CEP112: variants seen among roughly 807,000 people sequenced by gnomAD.
CEP112 encodes centrosomal protein of 112 kDa.
CEP112 carries 127 observed loss-of-function variants against 153.0 expected under a neutral mutation model. The ratio of observed to expected loss-of-function variants is 0.83; its 90% confidence interval spans 0.72 to 0.96. The LOEUF (loss-of-function observed/expected upper bound fraction) is 0.96, where lower values mean the gene tolerates loss of function less well. CEP112 is among the 40% of genes least tolerant of loss of function. The pLI, the probability that CEP112 is intolerant of heterozygous loss-of-function variation, is 0.00. For missense variants in CEP112, 1,089 were observed against 1,101.2 expected (o/e 0.99, Z 0.16); for synonymous variants, 358 against 374.4 (o/e 0.96, Z 0.51).
Position 65,826,489 on chromosome 17 carries a change from T to TGA in CEP112, c.2394+25313_2394+25314dup, listed in dbSNP as rs1003080415. The stretch of plus-strand genomic sequence containing the variant: ...CACAATCTCTTAGGTGGGGGTGAGG[T>TGA]GAGATAGTGACATCACAACCACACT... On this transcript the variant is annotated intron_variant, in intron 21 of 26. Transcript: ENST00000535342. The TGA allele has an allele frequency of 1.9e-5, 27 of 1,439,090 alleles. 1 individual carries two copies. In the South Asian group the frequency reaches 3.0e-4, roughly 16 times the overall value. The allele number at this position is 1,439,090 out of a possible 1,614,324, so 89.1% of individuals were successfully genotyped here.
intron 16 of CEP112, among the ~76,000 whole-genome samples, chr17:66,017,500 T>A (rs1460409450): frequency 6.6e-6 from 1 of 152,218 alleles, no homozygotes; most frequent in Admixed American, 6.5e-5. Context: ...CATACTCCAA[T>A]AGTCAATAAG....
chr17:65,767,986 T>C (rs888374426), intron 21 of CEP112, among the ~76,000 whole-genome samples: 3 of 151,914 alleles, frequency 2.0e-5, no homozygotes, highest in Non-Finnish European at 2.9e-5. Flanking sequence ...ACTTCCAAAA[T>C]AAAAAAGAGC....
At position 65,841,495 on chromosome 17, in the gene CEP112, A is replaced by G. The variant is rs1021303662; in HGVS notation, c.2394+10309T>C. ...AGAATGACAGTTACCAGAGGCTGGG[A>G]AGGGTAAAGAGGAGAAGACATAAAG... On this transcript the variant is annotated intron_variant, in intron 21 of 26. Transcript: ENST00000535342. Among the ~76,000 whole-genome samples, 19 of 152,042 alleles carry G rather than the reference A, an allele frequency of 1.2e-4. 2 individuals are homozygous for G. Among genetic ancestry groups the G allele is most frequent in the Admixed American group, 1.2e-3 (18 of 15,268 alleles).
chr17:65,723,776 T>C (rs1205228648), intron 23 of CEP112, among the ~76,000 whole-genome samples: 1 of 152,216 alleles, frequency 6.6e-6, no homozygotes, highest in East Asian at 1.9e-4. Flanking sequence ...CTTTCATCAT[T>C]ATTTACACAT....
At chr17:66,177,060 T>A in intron 2 of CEP112, 40 bp from the exon 3 acceptor site, 2 of 1,504,854 alleles carry the variant, frequency 1.3e-6, no homozygotes, top group Non-Finnish European at 1.8e-6. Flanking sequence ...TTATTTTTTA[T>A]AAAATGAAAC....
chr17:66,029,142 T>C lies in CEP112; in HGVS notation c.1484A>G (p.His495Arg), dbSNP rs750884532. 10 of 1,602,566 alleles carry C rather than the reference T, an allele frequency of 6.2e-6. No individual in the cohort carries two copies. Among genetic ancestry groups the C allele is most frequent in the Non-Finnish European group, 8.5e-6 (10 of 1,171,510 alleles). Residue 495 changes from histidine to arginine, a missense_variant, in exon 14 of 27, where the codon CAT becomes CGT. Physicochemically the swap from His to Arg is conservative, Grantham distance 29 (BLOSUM62 0). Coordinates refer to ENST00000535342, the MANE Select transcript of CEP112 (RefSeq NM_001199165.4). ...DADINLLKQEHALSASKASSM... is the reference protein window; with the variant it reads ...DADINLLKQERALSASKASSM... ...TAATACCTTAGAAGCTGAAAGAGCA[T>C]GTTCTTGTTTTAGAAGGTTTATATC...
intron 17 of CEP112, among the ~76,000 whole-genome samples, chr17:65,968,205 G>A (rs1346925776): frequency 6.6e-6 from 1 of 152,072 alleles, no homozygotes; most frequent in Non-Finnish European, 1.5e-5. Flanking sequence ...ACAGTATGAA[G>A]TCACTCAAGC....
At chr17:65,896,697 C>T (rs981448829) in intron 20 of CEP112, among the ~76,000 whole-genome samples, 2 of 151,866 alleles carry the variant, frequency 1.3e-5, no homozygotes, top group African/African-American at 4.8e-5. Flanking sequence ...TCTGTATGAC[C>T]TATGCTTTTG....
At chr17:65,948,379 A>T (rs1249127629) in intron 18 of CEP112, among the ~76,000 whole-genome samples, 5 of 150,936 alleles carry the variant, frequency 3.3e-5, no homozygotes, top group South Asian at 4.3e-4. Flanking sequence ...ATAAATTAGG[A>T]AAGTCAAGTG....
chr17:65,973,776 G>A (rs1244081740), intron 17 of CEP112, among the ~76,000 whole-genome samples: 1 of 152,186 alleles, frequency 6.6e-6, no homozygotes, highest in East Asian at 1.9e-4. Flanking sequence ...GAGAACAAGA[G>A]AACGTTTGGG....
At chr17:66,117,770 C>T (rs888982446) in intron 6 of CEP112, among the ~76,000 whole-genome samples, 8 of 152,144 alleles carry the variant, frequency 5.3e-5, no homozygotes, top group African/African-American at 1.7e-4. Flanking sequence ...AAGTATCTGA[C>T]ATGAGATTAA....
In CEP112 at chr17:65,844,633, C is replaced by T. The variant is rs1026300008; in HGVS notation, c.2394+7171G>A. 6.0e-3 allele frequency among the ~76,000 whole-genome samples: 47 copies of T among 7,888 alleles called. 3 individuals carry two copies. Among genetic ancestry groups the T allele is most frequent in the Non-Finnish European group, 3.6e-3 (6 of 1,676 alleles). 5.2% of individuals were successfully genotyped at this position (7,888 alleles called of 152,430 possible). A position where few individuals can be genotyped will look rare whatever the true frequency, so the allele number is the denominator to read the frequency against. On this transcript the variant is annotated intron_variant, in intron 21 of 26. Transcript: ENST00000535342. ...CCGCAAGCCAGAGGTTGCAGTGAGC[C>T]GAGATCAGGCTCCATCCTGGGCTAC...
At chr17:65,931,718 C>T (rs74007964) in intron 18 of CEP112, among the ~76,000 whole-genome samples, 7,907 of 152,306 alleles carry the variant, frequency 0.052, 278 homozygotes, top group South Asian at 0.11. Context: ...GCCACCCAGC[C>T]TCAGAGCTTG....
intron 6 of CEP112, among the ~76,000 whole-genome samples, chr17:66,115,497 A>G (rs1299403997): frequency 6.6e-6 from 1 of 152,226 alleles, no homozygotes; most frequent in Non-Finnish European, 1.5e-5. Flanking sequence ...GTTCTTTCGG[A>G]TAAACATAGA....
intron 17 of CEP112, among the ~76,000 whole-genome samples, chr17:65,989,746 T>A (rs183649687): frequency 5.3e-4 from 80 of 152,282 alleles, no homozygotes; most frequent in Non-Finnish European, 9.8e-4. Flanking sequence ...AACTGTGCTG[T>A]GCAATTCACT....
At chr17:66,041,363 A>C (rs2065970190) in intron 12 of CEP112, among the ~76,000 whole-genome samples, 1 of 152,196 alleles carries the variant, frequency 6.6e-6, no homozygotes, top group Non-Finnish European at 1.5e-5. Flanking sequence ...ACCTTTAAGC[A>C]AAACAGTGTA....
intron 4 of CEP112, among the ~76,000 whole-genome samples, chr17:66,143,411 C>A (rs1214744198): frequency 6.6e-6 from 1 of 152,044 alleles, no homozygotes; most frequent in African/African-American, 2.4e-5. Context: ...TTGGGCAGTG[C>A]CTGAAAAAAG....
At chr17:65,872,726 TA>T (rs2058704521) in intron 20 of CEP112, among the ~76,000 whole-genome samples, 1 of 152,244 alleles carries the variant, frequency 6.6e-6, no homozygotes, top group Non-Finnish European at 1.5e-5. Flanking sequence ...CTTAACATTT[TA>T]AAATAGCTTT....
intron 20 of CEP112, among the ~76,000 whole-genome samples, chr17:65,898,578 T>C (rs1259391647): frequency 1.3e-5 from 2 of 152,162 alleles, no homozygotes; most frequent in Non-Finnish European, 2.9e-5. Flanking sequence ...AAATTGTTCA[T>C]ATTAGATTTA....
Sources: gnomAD v4.1 joint callset for allele counts (sites outside exome capture counted in the v4.1 genomes callset) on GRCh38, gnomAD v4.1.1 for gene constraint, MANE v1.5 for transcripts, NCBI Gene and HGNC (gene_info 2026-07-23, HGNC 2026-07-21) for gene names.